Variants in ROBO2 observed in about 807,000 individuals in gnomAD.
ROBO2 encodes the protein roundabout homolog 2.
ROBO2 carries 53 observed loss-of-function variants against 160.8 expected under a neutral mutation model. That is an observed-to-expected ratio of 0.33 (90% CI 0.26 to 0.41). The LOEUF is 0.41. ROBO2 is among the 10% of genes least tolerant of loss of function. ROBO2 has a pLI of 1.00. For missense variants in ROBO2, 1,577 were observed against 1,722.4 expected (o/e 0.92, Z 1.49); for synonymous variants, 664 against 611.7 (o/e 1.09, Z -1.26).
At chr3:77,614,735 AACCAACCAAC>A (rs1559731344) in intron 21 of ROBO2, among the ~76,000 whole-genome samples, 1 of 150,622 alleles carries the variant, frequency 6.6e-6, no homozygotes, top group African/African-American at 2.4e-5. Flanking sequence ...CCAACCAACC[AACCAACCAAC>A]CAACCAACCA....
At chr3:77,549,643 A>C (rs1259586190) in intron 7 of ROBO2, among the ~76,000 whole-genome samples, 1 of 152,002 alleles carries the variant, frequency 6.6e-6, no homozygotes, top group Non-Finnish European at 1.5e-5. Flanking sequence ...TGTTGCAATA[A>C]AGAGAAGAGC....
intron 2 of ROBO2, among the ~76,000 whole-genome samples, chr3:76,614,828 G>A (rs901603701): frequency 1.3e-5 from 2 of 151,960 alleles, no homozygotes; most frequent in African/African-American, 4.8e-5. Context: ...ACTAAATAAC[G>A]GCTTGTTTAT....
chr3:76,694,152 A>T (rs538441177), intron 2 of ROBO2, among the ~76,000 whole-genome samples: 1 of 152,342 alleles, frequency 6.6e-6, no homozygotes, highest in Admixed American at 6.5e-5. Flanking sequence ...TGCCTCACTT[A>T]CATCAGTCGT....
intron 2 of ROBO2, among the ~76,000 whole-genome samples, chr3:77,205,551 T>G (rs7433598): frequency 0.33 from 50,780 of 151,676 alleles, 9,995 homozygotes; most frequent in Middle Eastern, 0.53. Flanking sequence ...TTTTTGGGCT[T>G]GAAAACAGAA....
intron 2 of ROBO2, among the ~76,000 whole-genome samples, chr3:76,015,967 A>G (rs1225642587): frequency 6.6e-6 from 1 of 152,190 alleles, no homozygotes; most frequent in African/African-American, 2.4e-5. Context: ...CTCTTCACAG[A>G]ATGGGATTGG....
chr3:76,695,421 T>A (rs1350992932), intron 2 of ROBO2, among the ~76,000 whole-genome samples: 1 of 152,216 alleles, frequency 6.6e-6, no homozygotes, highest in Non-Finnish European at 1.5e-5. Flanking sequence ...AGGCTTGTTT[T>A]TTTTTAAGTT....
chr3:77,283,304 C>T (rs920395666), intron 2 of ROBO2, among the ~76,000 whole-genome samples: 2 of 152,162 alleles, frequency 1.3e-5, no homozygotes, highest in African/African-American at 4.8e-5. Flanking sequence ...TCATTAATTG[C>T]TCTCACACAA....
chr3:76,326,070 T>C (rs1010698887), intron 2 of ROBO2, among the ~76,000 whole-genome samples: 3 of 152,160 alleles, frequency 2.0e-5, no homozygotes, highest in African/African-American at 7.2e-5. Flanking sequence ...GTGATTAATT[T>C]TTGATGATGC....
At chr3:76,109,090 C>A (rs1371213607) in intron 2 of ROBO2, among the ~76,000 whole-genome samples, 1 of 151,812 alleles carries the variant, frequency 6.6e-6, no homozygotes, top group East Asian at 1.9e-4. Flanking sequence ...TTTAAATAAC[C>A]TACAATATTG....
chr3:77,450,641 C>T (rs1351399819), intron 2 of ROBO2, among the ~76,000 whole-genome samples: 1 of 152,154 alleles, frequency 6.6e-6, no homozygotes, highest in African/African-American at 2.4e-5. Flanking sequence ...TTTGTGGATA[C>T]TTATACGTGA....
chr3:77,276,935 G>A (rs2059868439), intron 2 of ROBO2, among the ~76,000 whole-genome samples: 1 of 152,088 alleles, frequency 6.6e-6, no homozygotes, highest in Non-Finnish European at 1.5e-5. Flanking sequence ...ACTACCACCA[G>A]AATAGTATGG....
intron 2 of ROBO2, among the ~76,000 whole-genome samples, chr3:76,741,360 T>A (rs2093799026): frequency 6.6e-6 from 1 of 152,094 alleles, no homozygotes; most frequent in Admixed American, 6.6e-5. Context: ...TTTAAGTAAG[T>A]TTTATGTGCT....
At chr3:76,033,590 A>T (rs925990938) in intron 2 of ROBO2, among the ~76,000 whole-genome samples, 1 of 152,204 alleles carries the variant, frequency 6.6e-6, no homozygotes, top group Non-Finnish European at 1.5e-5. Context: ...ATTGTTATTT[A>T]TATGTTGCTA....
chr3:76,879,237 T>C (rs895013325), intron 2 of ROBO2, among the ~76,000 whole-genome samples: 2 of 152,236 alleles, frequency 1.3e-5, no homozygotes, highest in East Asian at 1.9e-4. Flanking sequence ...AGAAAAATCA[T>C]GTATTCACTT....
At chr3:77,519,945 A>AT (rs2090425815) in intron 5 of ROBO2, among the ~76,000 whole-genome samples, 1 of 151,234 alleles carries the variant, frequency 6.6e-6, no homozygotes, top group Non-Finnish European at 1.5e-5. Flanking sequence ...AGCGTGTGTT[A>AT]TTTTTTGACT....
intron 2 of ROBO2, among the ~76,000 whole-genome samples, chr3:77,218,739 A>C (rs2085319070): frequency 6.6e-6 from 1 of 152,066 alleles, no homozygotes; most frequent in African/African-American, 2.4e-5. Context: ...TTTCCATTAT[A>C]AGTATTCTGC....
At chr3:77,262,742 C>A (rs1473171845) in intron 2 of ROBO2, among the ~76,000 whole-genome samples, 4 of 152,064 alleles carry the variant, frequency 2.6e-5, no homozygotes, top group Non-Finnish European at 4.4e-5. Context: ...TAAATTTGGT[C>A]ATTTAGCATC....
intron 2 of ROBO2, among the ~76,000 whole-genome samples, chr3:76,049,403 A>ATATATATATATTTT (rs1414664360): frequency 9.3e-5 from 5 of 53,762 alleles, no homozygotes; most frequent in African/African-American, 7.3e-4. Context: ...ATATATATAT[A>ATATATATATATTTT]TTTTTTTTTT....
At chr3:76,034,369 C>G (rs2067030537) in intron 2 of ROBO2, among the ~76,000 whole-genome samples, 1 of 152,244 alleles carries the variant, frequency 6.6e-6, no homozygotes, top group Middle Eastern at 3.4e-3. Flanking sequence ...TTCAGAAGGA[C>G]TAAATGCATC....
Sources: allele counts gnomAD v4.1 joint callset (sites outside exome capture counted in the v4.1 genomes callset), GRCh38; gene constraint gnomAD v4.1.1; transcripts MANE v1.5; gene names NCBI Gene and HGNC (gene_info 2026-07-23, HGNC 2026-07-21).